CCDC85A: variants seen among roughly 807,000 people sequenced by gnomAD.
CCDC85A encodes coiled-coil domain containing 85A, also known as coiled-coil domain-containing protein 85A.
CCDC85A carries 38 observed loss-of-function variants against 50.2 expected under a neutral mutation model. The ratio of observed to expected loss-of-function variants is 0.76; its 90% confidence interval spans 0.58 to 0.99. The LOEUF (loss-of-function observed/expected upper bound fraction) is 0.99. CCDC85A is among the 50% of genes least tolerant of loss of function. CCDC85A has a pLI of 0.00. For missense variants in CCDC85A, 820 were observed against 742.0 expected (o/e 1.11, Z -1.22); for synonymous variants, 366 against 301.4 (o/e 1.21, Z -2.22).
chr2:56,260,104 G>T (rs894585768), intron 2 of CCDC85A, among the ~76,000 whole-genome samples: 4 of 152,210 alleles, frequency 2.6e-5, no homozygotes, highest in African/African-American at 9.6e-5. Flanking sequence ...AAGGGAACCA[G>T]ATGGTCAAAG....
chr2:56,317,600 G>A (rs1672979487), intron 2 of CCDC85A, among the ~76,000 whole-genome samples: 1 of 152,098 alleles, frequency 6.6e-6, no homozygotes, highest in African/African-American at 2.4e-5. Context: ...ATTCATAATT[G>A]GAAATTAGTT....
intron 2 of CCDC85A, among the ~76,000 whole-genome samples, chr2:56,249,730 A>C (rs1669672493): frequency 6.6e-6 from 1 of 152,172 alleles, no homozygotes; most frequent in Non-Finnish European, 1.5e-5. Flanking sequence ...TGGTCTCCCC[A>C]CATCTGGTTA....
At chr2:56,221,009 A>G (rs1027444434) in intron 2 of CCDC85A, among the ~76,000 whole-genome samples, 7 of 152,012 alleles carry the variant, frequency 4.6e-5, no homozygotes, top group African/African-American at 1.2e-4. Context: ...GGATTGGACA[A>G]CATGCTTTTT....
chr2:56,383,315 A>G (rs1425331744), intron 5 of CCDC85A, among the ~76,000 whole-genome samples: 1 of 151,994 alleles, frequency 6.6e-6, no homozygotes, highest in African/African-American at 2.4e-5. Context: ...AGAGTGTTGT[A>G]AAGTTTTGCA....
chr2:56,281,198 C>G (rs1671192083), intron 2 of CCDC85A, among the ~76,000 whole-genome samples: 1 of 152,114 alleles, frequency 6.6e-6, no homozygotes, highest in Non-Finnish European at 1.5e-5. Context: ...ACAGTATTTA[C>G]TTGTGTATCT....
intron 2 of CCDC85A, among the ~76,000 whole-genome samples, chr2:56,278,998 C>T (rs1056958851): frequency 1.3e-4 from 20 of 152,230 alleles, no homozygotes; most frequent in African/African-American, 2.4e-5. Context: ...GATGAAACTA[C>T]TGCCAAGGAT....
chr2:56,336,508 A>G (rs150898344), intron 2 of CCDC85A, among the ~76,000 whole-genome samples: 60 of 152,312 alleles, frequency 3.9e-4, no homozygotes, highest in African/African-American at 1.4e-3. Context: ...GACCATTACC[A>G]GATTTTATTT....
intron 5 of CCDC85A, among the ~76,000 whole-genome samples, chr2:56,379,013 T>C (rs1463134152): frequency 6.6e-6 from 1 of 152,216 alleles, no homozygotes. Flanking sequence ...AATAAAACTT[T>C]AGACATTTTT....
chr2:56,334,276 C>A (rs1442700682), intron 2 of CCDC85A, among the ~76,000 whole-genome samples: 1 of 152,168 alleles, frequency 6.6e-6, no homozygotes, highest in East Asian at 1.9e-4. Context: ...TCCCCGGGAC[C>A]TAGAACAATA....
chr2:56,370,539 C>T (rs899590028), intron 3 of CCDC85A, among the ~76,000 whole-genome samples: 1 of 152,002 alleles, frequency 6.6e-6, no homozygotes, highest in Non-Finnish European at 1.5e-5. Context: ...ATTGTTCCCC[C>T]TTATGAGATT....
chr2:56,244,906 T>C (rs924198608), intron 2 of CCDC85A, among the ~76,000 whole-genome samples: 11 of 151,960 alleles, frequency 7.2e-5, no homozygotes, highest in African/African-American at 2.7e-4. Flanking sequence ...CTCTGCCGGA[T>C]TCCCTGTTCT....
At chr2:56,355,151 C>T (rs1426933733) in intron 3 of CCDC85A, among the ~76,000 whole-genome samples, 1 of 152,200 alleles carries the variant, frequency 6.6e-6, no homozygotes, top group East Asian at 1.9e-4. Flanking sequence ...GGCCATTCCC[C>T]ACGGCTCCTA....
intron 1 of CCDC85A, among the ~76,000 whole-genome samples, chr2:56,185,177 G>T (rs573638831): frequency 6.6e-6 from 1 of 152,310 alleles, no homozygotes; most frequent in African/African-American, 2.4e-5. Flanking sequence ...TGAAGGGCAC[G>T]CGAACCTTTC....
At position 56,193,340 on chromosome 2, in the gene CCDC85A, A is replaced by C. The variant is rs1432602353; in HGVS notation, c.1140A>C (p.Gly380=). 6.2e-6 allele frequency: 10 copies of C among 1,612,450 alleles called. No homozygotes were observed. The highest frequency in any genetic ancestry group is 8.5e-6 in the Non-Finnish European group (10 of 1,179,124). ...PDHKHGGGSG[G]SGGSGGGSRE... ...ACAAACACGGAGGAGGCAGTGGAGG[A>C]AGTGGAGGCAGCGGCGGAGGCAGCA... The change falls in exon 2 of 6, where the codon GGA becomes GGC. Residue 380 remains glycine, a synonymous_variant. Transcript: ENST00000407595.
At chr2:56,273,857 GA>G (rs1430420665) in intron 2 of CCDC85A, among the ~76,000 whole-genome samples, 1 of 151,958 alleles carries the variant, frequency 6.6e-6, no homozygotes, top group East Asian at 1.9e-4. Context: ...TCATTATGAA[GA>G]AAAATCGTTT....
intron 3 of CCDC85A, among the ~76,000 whole-genome samples, chr2:56,369,316 A>G (rs1369236562): frequency 6.6e-6 from 1 of 152,148 alleles, no homozygotes; most frequent in Non-Finnish European, 1.5e-5. Context: ...CTTTAAATAA[A>G]TAGATGAGAA....
chr2:56,331,530 C>T (rs1349520393), intron 2 of CCDC85A, among the ~76,000 whole-genome samples: 1 of 152,148 alleles, frequency 6.6e-6, no homozygotes, highest in Non-Finnish European at 1.5e-5. Flanking sequence ...CTTTTAAATT[C>T]ATACAAAAAA....
intron 2 of CCDC85A, among the ~76,000 whole-genome samples, chr2:56,205,262 G>A (rs545712984): frequency 5.3e-5 from 8 of 152,176 alleles, no homozygotes; most frequent in African/African-American, 1.7e-4. Context: ...CAGGCTCTTC[G>A]TATGTTTTAG....
intron 2 of CCDC85A, among the ~76,000 whole-genome samples, chr2:56,312,772 T>G (rs755848238): frequency 3.3e-5 from 5 of 152,184 alleles, no homozygotes; most frequent in Non-Finnish European, 7.4e-5. Flanking sequence ...CATTTTAACA[T>G]TCGTTTATTT....
Sources: gnomAD v4.1 joint callset for allele counts (sites outside exome capture counted in the v4.1 genomes callset) on GRCh38, gnomAD v4.1.1 for gene constraint, MANE v1.5 for transcripts, NCBI Gene and HGNC (gene_info 2026-07-23, HGNC 2026-07-21) for gene names.